DISC1: variants seen among roughly 807,000 people sequenced by gnomAD.
DISC1 encodes the protein DISC1 scaffold protein.
Under a neutral mutation model 84.5 loss-of-function variants are expected in DISC1, and 57 were observed. The ratio of observed to expected loss-of-function variants is 0.67; its 90% CI spans 0.55 to 0.84. The LOEUF (loss-of-function observed/expected upper bound fraction) is 0.84. DISC1 is among the 40% of genes least tolerant of loss of function. The probability of loss-of-function intolerance (pLI) is 0.00; values close to 1 mark genes in which losing one functional copy is unlikely to be tolerated. For synonymous variants in DISC1, 411 were observed against 415.2 expected (o/e 0.99, Z 0.12); for missense variants, 1,000 against 1,057.8 (o/e 0.95, Z 0.76).
chr1:231,790,708 C>T (rs1223516995), intron 6 of DISC1, among the ~76,000 whole-genome samples: 3 of 152,026 alleles, frequency 2.0e-5, no homozygotes, highest in African/African-American at 7.2e-5. Flanking sequence ...TTAGTAGAGA[C>T]GGGGTTTCAC....
intron 11 of DISC1, among the ~76,000 whole-genome samples, chr1:232,013,771 G>T (rs1668240509): frequency 6.6e-6 from 1 of 152,142 alleles, no homozygotes; most frequent in Non-Finnish European, 1.5e-5. Context: ...TTGGGTATGG[G>T]GCCGGACTCC....
At chr1:231,837,304 GT>G (rs1558632219) in intron 9 of DISC1, among the ~76,000 whole-genome samples, 1 of 152,140 alleles carries the variant, frequency 6.6e-6, no homozygotes, top group African/African-American at 2.4e-5. Flanking sequence ...GGCTGTCACC[GT>G]GAAATGTGTT....
rs137880868 is a variant in DISC1, at chr1:231,684,496, T to C, written c.68-9330T>C. 3.6e-3 allele frequency among the ~76,000 whole-genome samples: 551 copies of C among 152,262 alleles called. 4 individuals carry two copies. Among genetic ancestry groups the C allele is most frequent in the African/African-American group, 0.012 (510 of 41,548 alleles). On this transcript the variant is annotated intron_variant, in intron 1 of 12. Transcript: ENST00000439617. ...ATATAATTGCATGCATTTTTTCCTATGTATTGTTTGAGAATAATACAGTAG... is the reference window on the plus strand; with the variant it reads ...ATATAATTGCATGCATTTTTTCCTACGTATTGTTTGAGAATAATACAGTAG...
At chr1:231,773,327 T>G (rs1188976424) in intron 6 of DISC1, among the ~76,000 whole-genome samples, 1 of 152,210 alleles carries the variant, frequency 6.6e-6, no homozygotes, top group Non-Finnish European at 1.5e-5. Context: ...AGAGAAGGCA[T>G]GAATGTGTGA....
intron 4 of DISC1, among the ~76,000 whole-genome samples, chr1:231,765,681 C>T (rs1440818295): frequency 6.6e-6 from 1 of 152,138 alleles, no homozygotes; most frequent in African/African-American, 2.4e-5. Context: ...CAACAAGTCT[C>T]CTTTAAAGAC....
At chr1:231,669,591 G>C (rs1022860142) in intron 1 of DISC1, among the ~76,000 whole-genome samples, 6 of 152,104 alleles carry the variant, frequency 3.9e-5, no homozygotes, top group African/African-American at 1.2e-4. Flanking sequence ...TTCAAAAGAA[G>C]ACATACATGC....
Position 231,940,163 on chromosome 1 carries a change from G to T in DISC1, c.1982-18665G>T, listed in dbSNP as rs1371000690. ...CTGGTGCTCACTGCTATTCTATCTT[G>T]TCCTCTGTCCTTCCCCTCTCTCTGT... On this transcript the variant is annotated intron_variant, in intron 9 of 12. Transcript: ENST00000439617. Among the ~76,000 whole-genome samples, 3 of 151,978 alleles carry T rather than the reference G, an allele frequency of 2.0e-5. No homozygotes were observed. In the East Asian group the frequency reaches 5.8e-4, roughly 29 times the overall value.
chr1:231,752,670 T>C (rs1424436813), intron 4 of DISC1, among the ~76,000 whole-genome samples: 1 of 152,110 alleles, frequency 6.6e-6, no homozygotes, highest in East Asian at 1.9e-4. Flanking sequence ...TTCCCAATAG[T>C]CCCCCAAAGA....
chr1:231,865,677 C>T (rs1198366221), intron 9 of DISC1, among the ~76,000 whole-genome samples: 1 of 152,148 alleles, frequency 6.6e-6, no homozygotes, highest in African/African-American at 2.4e-5. Flanking sequence ...ACTTTAGGTG[C>T]CTCATATAAG....
intron 3 of DISC1, among the ~76,000 whole-genome samples, chr1:231,708,883 T>TA (rs1336404290): frequency 6.6e-6 from 1 of 152,256 alleles, no homozygotes; most frequent in Non-Finnish European, 1.5e-5. Context: ...CAATTTTATC[T>TA]AAAAAATTAG....
rs372916304 is a variant in DISC1, at chr1:231,827,245, TA to T, written c.1981+8731del. Among the ~76,000 whole-genome samples the T allele has an allele frequency of 9.3e-3, 1,421 of 152,150 alleles. 18 individuals are homozygous for T. The highest frequency in any genetic ancestry group is 0.031 in the African/African-American group (1,295 of 41,518). On this transcript the variant is annotated intron_variant, in intron 9 of 12. Transcript: ENST00000439617. ...TCATGATCCACCTGCCTCGGCCCCCTAAAGGGCTGGGATTACAGGCATGAGC... is the reference window on the plus strand; with the variant it reads ...TCATGATCCACCTGCCTCGGCCCCCTAAGGGCTGGGATTACAGGCATGAGC...
chr1:231,873,806 C>T (rs1055258694), intron 9 of DISC1, among the ~76,000 whole-genome samples: 2 of 151,958 alleles, frequency 1.3e-5, no homozygotes, highest in South Asian at 4.2e-4. Context: ...ATTGGAATCC[C>T]CAAATTATGA....
At chr1:231,801,136 T>C (rs896488926) in intron 8 of DISC1, among the ~76,000 whole-genome samples, 2 of 152,196 alleles carry the variant, frequency 1.3e-5, no homozygotes, top group African/African-American at 4.8e-5. Flanking sequence ...ACAACTAATG[T>C]TGGCAGCTAA....
intron 9 of DISC1, among the ~76,000 whole-genome samples, chr1:231,940,004 A>G (rs971436953): frequency 6.6e-6 from 1 of 151,942 alleles, no homozygotes; most frequent in Non-Finnish European, 1.5e-5. Context: ...CAGCCTTCCA[A>G]TGTGCTGGGA....
intron 9 of DISC1, among the ~76,000 whole-genome samples, chr1:231,924,885 T>C (rs2090256001): frequency 6.6e-6 from 1 of 151,884 alleles, no homozygotes; most frequent in Non-Finnish European, 1.5e-5. Flanking sequence ...CTCGATCTCC[T>C]GACCTCGTGA....
chr1:231,787,437 G>A (rs1277766263), intron 6 of DISC1, among the ~76,000 whole-genome samples: 3 of 151,722 alleles, frequency 2.0e-5, no homozygotes, highest in Admixed American at 6.6e-5. Context: ...AGAGAGCGCT[G>A]GAGAGAGAGA....
intron 9 of DISC1, among the ~76,000 whole-genome samples, chr1:231,820,005 A>G (rs1000874564): frequency 2.6e-5 from 4 of 152,242 alleles, no homozygotes; most frequent in Non-Finnish European, 4.4e-5. Context: ...TATTTTCACA[A>G]TGATGAATAA....
chr1:231,975,666 C>G (rs1038779081), intron 10 of DISC1, among the ~76,000 whole-genome samples: 11 of 152,192 alleles, frequency 7.2e-5, no homozygotes, highest in Non-Finnish European at 1.0e-4. Flanking sequence ...GAGATCTTGT[C>G]ATTTGCAGCA....
chr1:231,728,673 C>T (rs2071079395), intron 3 of DISC1, among the ~76,000 whole-genome samples: 2 of 152,184 alleles, frequency 1.3e-5, no homozygotes. Context: ...CTTCCATCTG[C>T]ATTCTGTTAC....
Sources: allele counts gnomAD v4.1 joint callset (sites outside exome capture counted in the v4.1 genomes callset), GRCh38; gene constraint gnomAD v4.1.1; transcripts MANE v1.5; gene names NCBI Gene and HGNC (gene_info 2026-07-23, HGNC 2026-07-21).